The following SCARA5 variants were observed in gnomAD, a reference collection of about 807,000 sequenced individuals.
The protein encoded by SCARA5 is scavenger receptor class A, member 5 (putative).
Under a neutral mutation model 46.3 loss-of-function variants are expected in SCARA5, and 45 were observed. That is an observed-to-expected ratio of 0.97 (90% CI 0.76 to 1.24). The LOEUF is 1.24. Ranked by LOEUF, SCARA5 falls within the 50% of genes most tolerant of loss-of-function variation. The pLI, the probability that SCARA5 is intolerant of heterozygous loss-of-function variation, is 0.00. For synonymous variants in SCARA5, 333 were observed against 306.5 expected, an observed-to-expected ratio of 1.09 and a Z score of -0.90; for missense variants, 680 against 689.0, an observed-to-expected ratio of 0.99 and a Z score of 0.15.
chr8:27,950,164 G>T (rs577679890), intron 3 of SCARA5, among the ~76,000 whole-genome samples: 1 of 151,994 alleles, frequency 6.6e-6, no homozygotes, highest in Non-Finnish European at 1.5e-5. Context: ...AGGGGAAGGG[G>T]TCTAGCACAT....
chr8:27,913,953 C>T (rs1042033297), intron 4 of SCARA5, among the ~76,000 whole-genome samples: 2 of 152,174 alleles, frequency 1.3e-5, no homozygotes, highest in African/African-American at 4.8e-5. Context: ...CCTGAGACTG[C>T]CTTCATGCCC....
chr8:27,908,355 G>C (rs1430695698), intron 5 of SCARA5, among the ~76,000 whole-genome samples: 1 of 152,206 alleles, frequency 6.6e-6, no homozygotes, highest in Non-Finnish European at 1.5e-5. Flanking sequence ...CGGTGCCGGC[G>C]CCATGCAGAG....
At chr8:27,987,831 C>T (rs1808727861) in intron 1 of SCARA5, among the ~76,000 whole-genome samples, 1 of 152,210 alleles carries the variant, frequency 6.6e-6, no homozygotes, top group Non-Finnish European at 1.5e-5. Flanking sequence ...GCCCCCACTC[C>T]CAGCTTCCTC....
chr8:27,939,657 A>G (rs1807911762), intron 3 of SCARA5, among the ~76,000 whole-genome samples: 1 of 152,164 alleles, frequency 6.6e-6, no homozygotes, highest in South Asian at 2.1e-4. Context: ...GACTAACCCA[A>G]TGGCCCATCC....
At chr8:27,984,368 C>A (rs1201494031) in intron 2 of SCARA5, among the ~76,000 whole-genome samples, 1 of 152,246 alleles carries the variant, frequency 6.6e-6, no homozygotes, top group Non-Finnish European at 1.5e-5. Context: ...CAGCCCCCAA[C>A]CTGGCAGCCA....
At chr8:27,917,938 C>T (rs1021425542) in intron 4 of SCARA5, among the ~76,000 whole-genome samples, 11 of 152,114 alleles carry the variant, frequency 7.2e-5, no homozygotes, top group African/African-American at 2.7e-4. Context: ...CCAAAGTGAC[C>T]CAGGACCAGG....
chr8:27,923,703 G>A (rs568130397), intron 3 of SCARA5, among the ~76,000 whole-genome samples: 3 of 152,268 alleles, frequency 2.0e-5, no homozygotes, highest in Non-Finnish European at 2.9e-5. Flanking sequence ...GGCCTCCCAA[G>A]TAGCTGGGAC....
chr8:27,950,879 G>GAA (rs766482225), intron 3 of SCARA5, among the ~76,000 whole-genome samples: 1 of 141,014 alleles, frequency 7.1e-6, no homozygotes. Flanking sequence ...AGCTTTATGG[G>GAA]AAAAAAAAAA....
chr8:27,983,764 T>A (rs943849293), intron 2 of SCARA5, among the ~76,000 whole-genome samples: 2 of 152,132 alleles, frequency 1.3e-5, no homozygotes, highest in Admixed American at 1.3e-4. Context: ...GCAGGAACAC[T>A]GGGGAGCCTG....
At chr8:27,906,191 T>G (rs1028957440) in intron 6 of SCARA5, among the ~76,000 whole-genome samples, 1 of 152,196 alleles carries the variant, frequency 6.6e-6, no homozygotes, top group African/African-American at 2.4e-5. Flanking sequence ...GTGGGAATGA[T>G]TAGCAGTACT....
rs539254642 is a variant in SCARA5 at position 27,884,776 on chromosome 8, C to T, written c.1154-5010G>A. On this transcript the variant is annotated intron_variant, in intron 7 of 8. Transcript: ENST00000354914. ...AGACAGCTGTGGATACACCCACAAA[C>T]AGAGTCCCTGCCCTCATGGAGCTGA... 2.0e-5 allele frequency among the ~76,000 whole-genome samples: 3 copies of T among 152,338 alleles called. No individual in the cohort carries two copies. In the East Asian group the frequency reaches 5.8e-4, roughly 29 times the overall value.
chr8:27,950,413 TG>T (rs35039172), intron 3 of SCARA5, among the ~76,000 whole-genome samples: 106,942 of 151,744 alleles, frequency 0.7, 38,182 homozygotes, highest in South Asian at 0.88. Context: ...TGCCCGTGCT[TG>T]GGGGGCATCC....
chr8:27,960,298 T>C (rs1410869678), intron 3 of SCARA5, among the ~76,000 whole-genome samples: 1 of 152,042 alleles, frequency 6.6e-6, no homozygotes, highest in African/African-American at 2.4e-5. Flanking sequence ...TACATCAGCC[T>C]CCTGAGTAGC....
intron 4 of SCARA5, among the ~76,000 whole-genome samples, chr8:27,917,927 C>G (rs575591034): frequency 1.3e-5 from 2 of 152,132 alleles, no homozygotes; most frequent in Non-Finnish European, 2.9e-5. Flanking sequence ...GATGTGAAGG[C>G]CCAAAGTGAC....
At chr8:27,939,639 G>A (rs932352016) in intron 3 of SCARA5, among the ~76,000 whole-genome samples, 3 of 152,190 alleles carry the variant, frequency 2.0e-5, no homozygotes, top group African/African-American at 7.2e-5. Flanking sequence ...CAGAGATACA[G>A]ATGAGATGAC....
intron 1 of SCARA5, among the ~76,000 whole-genome samples, chr8:27,988,241 C>G (rs531102129): frequency 1.3e-5 from 2 of 152,120 alleles, no homozygotes; most frequent in African/African-American, 4.8e-5. Flanking sequence ...TGGTGGGGCC[C>G]GAGGAGCAGG....
At chr8:27,915,288 G>A (rs142779985) in intron 4 of SCARA5, among the ~76,000 whole-genome samples, 2 of 152,194 alleles carry the variant, frequency 1.3e-5, no homozygotes, top group Non-Finnish European at 2.9e-5. Context: ...GGCCCAGAAA[G>A]GTGCTGGGAC....
chr8:27,946,714 C>A (rs1808043127), intron 3 of SCARA5, among the ~76,000 whole-genome samples: 1 of 152,194 alleles, frequency 6.6e-6, no homozygotes, highest in Non-Finnish European at 1.5e-5. Flanking sequence ...TCATTGTAGG[C>A]ACCACCAAGT....
intron 7 of SCARA5, among the ~76,000 whole-genome samples, chr8:27,896,177 A>G (rs1465195509): frequency 1.3e-5 from 2 of 152,192 alleles, no homozygotes; most frequent in Admixed American, 6.5e-5. Context: ...GAAGACAGTG[A>G]TGCTATGTGC....
Sources: gnomAD v4.1 joint callset for allele counts (sites outside exome capture counted in the v4.1 genomes callset) on GRCh38, gnomAD v4.1.1 for gene constraint, MANE v1.5 for transcripts, NCBI Gene and HGNC (gene_info 2026-07-23, HGNC 2026-07-21) for gene names.